SEPTIN9: variants seen among roughly 807,000 people sequenced by gnomAD.
The protein encoded by SEPTIN9 is septin 9.
A neutral mutation model predicts 56.6 loss-of-function variants in SEPTIN9; 13 were observed. The observed-to-expected ratio is 0.23, with a 90% CI of 0.15 to 0.37. The LOEUF is 0.37. Among genes scored for constraint, SEPTIN9 ranks in the 10% least tolerant of loss-of-function variants. The pLI is 1.00. For missense variants in SEPTIN9, 650 were observed against 823.1 expected, an observed-to-expected ratio of 0.79 and a Z score of 2.57; for synonymous variants, 332 against 334.1, an observed-to-expected ratio of 0.99 and a Z score of 0.07.
At chr17:77,416,637 T>A (rs2144187564) in intron 3 of SEPTIN9, among the ~76,000 whole-genome samples, 1 of 152,268 alleles carries the variant, frequency 6.6e-6, no homozygotes, top group South Asian at 2.1e-4. Context: ...CTTGTGTGGC[T>A]TGGGGGTCAC....
intron 2 of SEPTIN9, among the ~76,000 whole-genome samples, chr17:77,399,160 C>T (rs1329505062): frequency 6.6e-6 from 1 of 152,160 alleles, no homozygotes; most frequent in East Asian, 1.9e-4. Context: ...GCATCCGCAC[C>T]GTAGACTCAA....
rs368650198 is a variant in SEPTIN9, at chr17:77,436,702, C to G, written c.721+33999C>G. On this transcript the variant is annotated intron_variant, in intron 3 of 11. Coordinates refer to ENST00000427177, the MANE Select transcript of SEPTIN9 (RefSeq NM_001113491.2). The surrounding 1 kb of genome is among the most constrained non-coding windows in gnomAD (Gnocchi z 4.4). ...ACTAGCCTCGTGGTAGGGGCTGCGG[C>G]GGAGGTGGGCAAAAGCCGCTTCCGG... 6.6e-6 allele frequency among the ~76,000 whole-genome samples: 1 copy of G among 152,230 alleles called. No homozygotes were observed.
chr17:77,304,677 C>T (rs1323964506), intron 1 of SEPTIN9, among the ~76,000 whole-genome samples: 2 of 152,134 alleles, frequency 1.3e-5, no homozygotes, highest in African/African-American at 4.8e-5. Flanking sequence ...GCGGCCCCTC[C>T]TTACCCCCCA....
intron 3 of SEPTIN9, among the ~76,000 whole-genome samples, chr17:77,416,086 A>G (rs945558307): frequency 6.6e-6 from 1 of 152,268 alleles, no homozygotes; most frequent in African/African-American, 2.4e-5. Flanking sequence ...CTGCACGTGC[A>G]CAGCCCTGTC....
intron 2 of SEPTIN9, among the ~76,000 whole-genome samples, chr17:77,364,796 C>T (rs2143868730): frequency 6.6e-6 from 1 of 152,356 alleles, no homozygotes; most frequent in East Asian, 1.9e-4. Flanking sequence ...AGTCCTGGGG[C>T]TGCTGGCTGA....
At chr17:77,344,707 C>G (rs550799276) in intron 2 of SEPTIN9, among the ~76,000 whole-genome samples, 4 of 152,308 alleles carry the variant, frequency 2.6e-5, no homozygotes, top group South Asian at 2.1e-4. Context: ...TGTGGTGGCT[C>G]ACGCCTGTAA....
intron 2 of SEPTIN9, among the ~76,000 whole-genome samples, chr17:77,332,389 A>G (rs1415158457): frequency 1.3e-5 from 2 of 152,070 alleles, no homozygotes; most frequent in Non-Finnish European, 2.9e-5. Flanking sequence ...TTGCTTCACC[A>G]CAAATCCCTC....
intron 3 of SEPTIN9, among the ~76,000 whole-genome samples, chr17:77,406,795 C>T (rs996541858): frequency 2.6e-4 from 39 of 152,224 alleles, no homozygotes; most frequent in African/African-American, 4.3e-4. Context: ...CTCAGCCTCC[C>T]GAGTAGCTGG....
At chr17:77,364,074 A>T (rs74832411) in intron 2 of SEPTIN9, among the ~76,000 whole-genome samples, 3,220 of 152,288 alleles carry the variant, frequency 0.021, 107 homozygotes, top group African/African-American at 0.074. Context: ...GGAGGGACAA[A>T]TGGTTCATTT....
intron 2 of SEPTIN9, among the ~76,000 whole-genome samples, chr17:77,343,690 A>G (rs1312468552): frequency 6.6e-6 from 1 of 152,098 alleles, no homozygotes; most frequent in Non-Finnish European, 1.5e-5. Context: ...CCCTTAACCT[A>G]TGGGATCTGC....
chr17:77,450,610 C>T lies in SEPTIN9; in HGVS notation c.722-31534C>T. The T allele has an allele frequency of 2.0e-6, 2 of 985,754 alleles. No individual in the cohort carries two copies. The highest frequency in any genetic ancestry group is 1.2e-6 in the Non-Finnish European group (1 of 830,186). 61.1% of individuals were successfully genotyped at this position (985,754 alleles called of 1,614,324 possible). On this transcript the variant is annotated intron_variant, in intron 3 of 11. Transcript: ENST00000427177. The surrounding 1 kb of genome is among the most constrained non-coding windows in gnomAD (Gnocchi z 6.0). ...GGCCCAGCCCCTATAGTGTCAGCTC[C>T]CTCCTCTGGGGACCCCCTTGCTTGT...
chr17:77,293,603 A>G (rs1329105385), intron 1 of SEPTIN9, among the ~76,000 whole-genome samples: 2 of 152,250 alleles, frequency 1.3e-5, no homozygotes, highest in African/African-American at 4.8e-5. Context: ...CTCTAAAGGT[A>G]TGGATGCAAT....
At chr17:77,432,629 G>A (rs312903) in intron 3 of SEPTIN9, among the ~76,000 whole-genome samples, 9,450 of 152,304 alleles carry the variant, frequency 0.062, 785 homozygotes, top group African/African-American at 0.18. Context: ...GGAAGAGAGC[G>A]GGAGGAAGGA....
chr17:77,292,552 G>C (rs1223053695), intron 1 of SEPTIN9, among the ~76,000 whole-genome samples: 1 of 151,702 alleles, frequency 6.6e-6, no homozygotes, highest in Admixed American at 6.6e-5. Context: ...GGAGTGCAGT[G>C]GTGAGATCCC....
At chr17:77,316,031 G>A (rs1413003069) in intron 2 of SEPTIN9, among the ~76,000 whole-genome samples, 2 of 152,206 alleles carry the variant, frequency 1.3e-5, no homozygotes, top group Admixed American at 1.3e-4. Flanking sequence ...TCCAATTTGG[G>A]AAAAGGTGGG....
intron 1 of SEPTIN9, chr17:77,281,958 C>A: frequency 5.0e-6 from 1 of 201,590 alleles, no homozygotes; most frequent in Non-Finnish European, 1.0e-5. Context: ...CAGGCCGCAG[C>A]ATCCTTTCTT....
chr17:77,344,840 C>T (rs1481797298), intron 2 of SEPTIN9, among the ~76,000 whole-genome samples: 1 of 151,998 alleles, frequency 6.6e-6, no homozygotes, highest in African/African-American at 2.4e-5. Flanking sequence ...GGCATGGGGG[C>T]ATGTGCCTGT....
intron 2 of SEPTIN9, among the ~76,000 whole-genome samples, chr17:77,365,503 A>G (rs1448096967): frequency 6.6e-6 from 1 of 151,934 alleles, no homozygotes; most frequent in East Asian, 1.9e-4. Context: ...TGAATGGCAT[A>G]GGTAGGTACT....
At chr17:77,311,373 A>T (rs1044821281) in intron 2 of SEPTIN9, among the ~76,000 whole-genome samples, 6 of 152,056 alleles carry the variant, frequency 3.9e-5, no homozygotes, top group African/African-American at 1.4e-4. Context: ...CAGGACACTG[A>T]TGCACCTCCC....
Sources: allele counts gnomAD v4.1 joint callset (sites outside exome capture counted in the v4.1 genomes callset), GRCh38; gene constraint gnomAD v4.1.1; non-coding constraint Gnocchi (gnomAD v3.1); transcripts MANE v1.5; gene names NCBI Gene and HGNC (gene_info 2026-07-23, HGNC 2026-07-21).